The following CORIN variants were observed in gnomAD, a reference collection of about 807,000 sequenced individuals.
The protein encoded by CORIN is atrial natriuretic peptide-converting enzyme.
A neutral mutation model predicts 125.3 loss-of-function variants in CORIN; 117 were observed. The ratio of observed to expected loss-of-function variants is 0.93; its 90% CI spans 0.80 to 1.09. The LOEUF (loss-of-function observed/expected upper bound fraction) is 1.09. Ranked by LOEUF, CORIN falls within the 50% of genes least tolerant of loss-of-function variation. CORIN has a pLI of 0.00. For missense variants in CORIN, 1,253 were observed against 1,306.7 expected, an observed-to-expected ratio of 0.96 and a Z score of 0.63; for synonymous variants, 450 against 466.4, an observed-to-expected ratio of 0.96 and a Z score of 0.45.
intron 5 of CORIN, among the ~76,000 whole-genome samples, chr4:47,727,869 A>G (rs1727671083): frequency 6.6e-6 from 1 of 152,162 alleles, no homozygotes; most frequent in Non-Finnish European, 1.5e-5. Flanking sequence ...AAAATTTTGT[A>G]GATATTAATT....
At chr4:47,763,722 T>C (rs1729579247) in intron 3 of CORIN, 136 bp from the exon 4 acceptor site, 1 of 662,538 alleles carries the variant, frequency 1.5e-6, no homozygotes, top group Middle Eastern at 4.2e-4. Context: ...TACACATAGG[T>C]GCATGTAAGT....
In CORIN at chr4:47,595,375, G is replaced by A. The variant is rs1721211628; in HGVS notation, c.*346C>T. On this transcript the variant is annotated 3_prime_UTR_variant, in exon 22 of 22. Coordinates refer to ENST00000273857, the MANE Select transcript of CORIN (RefSeq NM_006587.4). ...ATATCTATGTCTTTTTTTGTGATAGGATAAAAGAGACCATTCCATAACCTG... is the reference window on the plus strand; with the variant it reads ...ATATCTATGTCTTTTTTTGTGATAGAATAAAAGAGACCATTCCATAACCTG... The A allele has an allele frequency of 6.0e-6, 1 of 167,476 alleles. No homozygotes were observed. Among genetic ancestry groups the A allele is most frequent in the South Asian group, 1.8e-4 (1 of 5,498 alleles). The allele number at this position is 167,476 out of a possible 1,614,324, so 10.4% of individuals were successfully genotyped here.
At position 47,775,954 on chromosome 4, in the gene CORIN, G is replaced by A. The variant is rs565750365; in HGVS notation, c.409+10771C>T. Among the ~76,000 whole-genome samples the A allele has an allele frequency of 5.4e-5, 8 of 147,530 alleles. No individual in the cohort carries two copies. In the East Asian group the frequency reaches 6.0e-4, roughly 11 times the overall value. On this transcript the variant is annotated intron_variant, in intron 3 of 21. Transcript: ENST00000273857. ...GTTGCCCAGGCTGGAGTGCAATGGC[G>A]AGATCTCAGCTCGCTTCAACTTCAA... is the stretch of plus-strand genomic sequence containing the variant.
chr4:47,744,902 A>G (rs914342444), intron 4 of CORIN, among the ~76,000 whole-genome samples: 1 of 152,210 alleles, frequency 6.6e-6, no homozygotes, highest in African/African-American at 2.4e-5. Context: ...TCAAAAGGGG[A>G]AAATTAACAT....
At chr4:47,794,099 G>A (rs1256057878) in intron 2 of CORIN, among the ~76,000 whole-genome samples, 1 of 152,196 alleles carries the variant, frequency 6.6e-6, no homozygotes, top group Non-Finnish European at 1.5e-5. Flanking sequence ...GAAGTCTTAA[G>A]TAATGTGGAG....
chr4:47,811,243 G>A (rs1353576053), intron 1 of CORIN, among the ~76,000 whole-genome samples: 1 of 152,100 alleles, frequency 6.6e-6, no homozygotes, highest in Admixed American at 6.5e-5. Context: ...TGACCCCAAA[G>A]CTGAACTAAT....
chr4:47,675,743 T>G (rs951953708), intron 9 of CORIN, among the ~76,000 whole-genome samples: 1 of 152,144 alleles, frequency 6.6e-6, no homozygotes, highest in Non-Finnish European at 1.5e-5. Flanking sequence ...TTTTACTTAT[T>G]TATTGTTTCA....
At chr4:47,799,941 T>G (rs953189742) in intron 2 of CORIN, among the ~76,000 whole-genome samples, 1 of 152,222 alleles carries the variant, frequency 6.6e-6, no homozygotes, top group Non-Finnish European at 1.5e-5. Flanking sequence ...TATTAATATG[T>G]GCTACAATGT....
chr4:47,764,007 G>A (rs1425802976), intron 3 of CORIN, among the ~76,000 whole-genome samples: 2 of 151,828 alleles, frequency 1.3e-5, no homozygotes, highest in Non-Finnish European at 2.9e-5. Context: ...TTATCTACGG[G>A]GATCTTGATC....
At chr4:47,728,034 A>C (rs1291856695) in intron 5 of CORIN, among the ~76,000 whole-genome samples, 1 of 152,148 alleles carries the variant, frequency 6.6e-6, no homozygotes, top group Non-Finnish European at 1.5e-5. Flanking sequence ...TCAGACACAA[A>C]ATAAACATAT....
chr4:47,657,547 A>G (rs931509229), intron 12 of CORIN, among the ~76,000 whole-genome samples: 4 of 151,732 alleles, frequency 2.6e-5, no homozygotes. Context: ...AAAAAAAAAA[A>G]AAAAAAGAAA....
chr4:47,683,311 G>A (rs1379743757), intron 7 of CORIN: 2 of 162,838 alleles, frequency 1.2e-5, no homozygotes, highest in African/African-American at 4.8e-5. Context: ...ACTATTTGAG[G>A]ATTAAATAAA....
chr4:47,772,723 T>TA (rs1730106407), intron 3 of CORIN, among the ~76,000 whole-genome samples: 2 of 152,154 alleles, frequency 1.3e-5, no homozygotes, highest in African/African-American at 4.8e-5. Flanking sequence ...ATTATAAGGA[T>TA]AAAACAATGC....
At chr4:47,814,047 AAAAATCATCC>A (rs63748986) in intron 1 of CORIN, among the ~76,000 whole-genome samples, 17,343 of 152,196 alleles carry the variant, frequency 0.11, 1,297 homozygotes, top group South Asian at 0.19. Flanking sequence ...CTAAAAAGAA[AAAAATCATCC>A]AAAATCAACA....
rs79040131 is a variant in CORIN, at chr4:47,743,386, G to A, written c.799+1016C>T. Among the ~76,000 whole-genome samples the A allele has an allele frequency of 9.4e-3, 1,429 of 152,284 alleles. 14 individuals carry two copies. The highest frequency in any genetic ancestry group is 0.01 in the Non-Finnish European group (702 of 68,010). ...ACTATAAACTGAAGACAAAAAGACA[G>A]ACCATCAAAAAATAGGCAAAATATT... is the stretch of plus-strand genomic sequence containing the variant. On this transcript the variant is annotated intron_variant, in intron 5 of 21. Coordinates refer to ENST00000273857, the MANE Select transcript of CORIN (RefSeq NM_006587.4).
intron 15 of CORIN, chr4:47,642,789 A>G: frequency 7.2e-7 from 1 of 1,392,718 alleles, no homozygotes; most frequent in Admixed American, 2.8e-5. Context: ...CCACTTGACT[A>G]TTCTATTCTA....
chr4:47,832,292 A>G (rs1455574790), intron 1 of CORIN, among the ~76,000 whole-genome samples: 1 of 152,192 alleles, frequency 6.6e-6, no homozygotes, highest in Non-Finnish European at 1.5e-5. Context: ...CTGGCCATTT[A>G]CTATTCAACA....
chr4:47,622,331 G>A (rs80081998), intron 19 of CORIN, among the ~76,000 whole-genome samples: 4 of 149,680 alleles, frequency 2.7e-5, no homozygotes, highest in South Asian at 2.1e-4. Flanking sequence ...TGTCTTTATA[G>A]CAGCATGATT....
chr4:47,633,509 T>C (rs753273341), intron 16 of CORIN, among the ~76,000 whole-genome samples: 3 of 152,212 alleles, frequency 2.0e-5, no homozygotes, highest in Non-Finnish European at 4.4e-5. Context: ...AAAATAAACA[T>C]GTTGTAAGAA....
Sources: gnomAD v4.1 joint callset for allele counts (sites outside exome capture counted in the v4.1 genomes callset) on GRCh38, gnomAD v4.1.1 for gene constraint, MANE v1.5 for transcripts, NCBI Gene and HGNC (gene_info 2026-07-23, HGNC 2026-07-21) for gene names.